INSL6: variants seen among roughly 807,000 people sequenced by gnomAD.
INSL6 encodes the protein insulin like 6, also known as insulin-like peptide INSL6.
Under a neutral mutation model 9.4 loss-of-function variants are expected in INSL6, and 16 were observed. The observed-to-expected ratio is 1.70, with a 90% confidence interval of 1.15 to 2.59. INSL6 has a LOEUF of 2.59. Ranked by LOEUF, INSL6 falls within the 30% of genes most tolerant of loss-of-function variation. The probability of loss-of-function intolerance (pLI) is 0.00; values close to 1 mark genes in which losing one functional copy is unlikely to be tolerated. For missense variants in INSL6, 391 were observed against 257.3 expected, an observed-to-expected ratio of 1.52 and a Z score of -3.56; for synonymous variants, 154 against 96.9, an observed-to-expected ratio of 1.59 and a Z score of -3.46.
At chr9:5,143,555 G>C (rs1225099088) in intron 2 of INSL6, among the ~76,000 whole-genome samples, 3 of 152,034 alleles carry the variant, frequency 2.0e-5, no homozygotes, top group South Asian at 2.1e-4. Context: ...ATTTCTGATA[G>C]TGCATATTTG....
At chr9:5,126,022 T>C (rs1048454911) in intron 3 of INSL6, 1 of 189,188 alleles carries the variant, frequency 5.3e-6, no homozygotes, top group Non-Finnish European at 1.1e-5. Flanking sequence ...TCAATTGAAA[T>C]GTAATATGAT....
the INSL6 span, chr9:5,040,933 T>C: frequency 2.5e-6 from 1 of 392,520 alleles, no homozygotes; most frequent in African/African-American, 2.2e-5. Flanking sequence ...AGCCTGGCCA[T>C]GGCGGAGCCA....
chr9:5,159,099 T>C (rs1186206372), downstream of INSL6, among the ~76,000 whole-genome samples: 2 of 152,086 alleles, frequency 1.3e-5, no homozygotes, highest in Non-Finnish European at 2.9e-5. Flanking sequence ...AAGATATTAT[T>C]TGCAAGCCTC....
chr9:5,077,539 C>G, the INSL6 span: 5 of 1,488,694 alleles, frequency 3.4e-6, no homozygotes, highest in South Asian at 1.5e-5. Flanking sequence ...ATTATGGAAA[C>G]TTGAAGTTGC....
At chr9:5,176,672 T>C (rs1284516757) in intron 1 of INSL6, among the ~76,000 whole-genome samples, 3 of 151,864 alleles carry the variant, frequency 2.0e-5, no homozygotes, top group South Asian at 4.2e-4. Flanking sequence ...AATGGAGATA[T>C]TTAAATGCGT....
chr9:5,182,630 A>G (rs554729712), intron 1 of INSL6, among the ~76,000 whole-genome samples: 3 of 152,252 alleles, frequency 2.0e-5, no homozygotes, highest in Admixed American at 1.3e-4. Context: ...AGTTGTGATG[A>G]TATCTGAAAC....
intron 2 of INSL6, among the ~76,000 whole-genome samples, chr9:5,153,556 A>ATGAT (rs1254401813): frequency 6.6e-6 from 1 of 152,238 alleles, no homozygotes; most frequent in Non-Finnish European, 1.5e-5. Context: ...TGCAGATGAC[A>ATGAT]TGATTGTATA....
chr9:5,094,731 G>C, the INSL6 span: 2 of 152,018 alleles, frequency 1.3e-5, no homozygotes, highest in African/African-American at 4.8e-5. Flanking sequence ...AAGTTCATTT[G>C]CCCTCTTCTT....
chr9:4,992,906 T>C, the INSL6 span, among the ~76,000 whole-genome samples: 1 of 152,200 alleles, frequency 6.6e-6, no homozygotes, highest in African/African-American at 2.4e-5. Context: ...TCATTCTTAA[T>C]AGGACATAGG....
the INSL6 span, among the ~76,000 whole-genome samples, chr9:5,027,355 T>G: frequency 6.6e-6 from 1 of 152,340 alleles, no homozygotes; most frequent in South Asian, 2.1e-4. Flanking sequence ...GCAATAATAT[T>G]ATGTCCAAAA....
chr9:5,063,290 A>G, the INSL6 span, among the ~76,000 whole-genome samples: 1 of 152,210 alleles, frequency 6.6e-6, no homozygotes, highest in East Asian at 1.9e-4. Context: ...AGAACTCTGT[A>G]AAGTAGTGGA....
At chr9:5,054,993 T>C in the INSL6 span, 2 of 771,342 alleles carry the variant, frequency 2.6e-6, no homozygotes, top group Admixed American at 3.1e-5. The surrounding 1 kb of genome is among the most constrained non-coding windows in gnomAD (Gnocchi z 4.9). Flanking sequence ...TCCCATTTGA[T>C]AGAAGTGGAA....
chr9:5,091,824 C>G, the INSL6 span, among the ~76,000 whole-genome samples: 1 of 151,984 alleles, frequency 6.6e-6, no homozygotes, highest in East Asian at 1.9e-4. Context: ...AGTTAAATGT[C>G]TATAATGGGT....
chr9:5,022,878 G>T, the INSL6 span, among the ~76,000 whole-genome samples: 1 of 152,118 alleles, frequency 6.6e-6, no homozygotes, highest in African/African-American at 2.4e-5. Context: ...AAGAATAGTC[G>T]TATGATTTTA....
the INSL6 span, chr9:5,114,508 T>C: frequency 1.1e-5 from 5 of 468,708 alleles, no homozygotes; most frequent in Non-Finnish European, 4.2e-6. Context: ...GTCTACGTGT[T>C]TGCAACGCTA....
At chr9:5,070,712 T>C in the INSL6 span, among the ~76,000 whole-genome samples, 3 of 152,040 alleles carry the variant, frequency 2.0e-5, no homozygotes, top group Non-Finnish European at 4.4e-5. Flanking sequence ...GCCCACTGGA[T>C]TTATTGAAAA....
chr9:5,116,595 T>C, the INSL6 span, among the ~76,000 whole-genome samples: 1 of 152,198 alleles, frequency 6.6e-6, no homozygotes, highest in Non-Finnish European at 1.5e-5. Context: ...ATATTAGTTA[T>C]ATGAAGATTC....
At chr9:5,090,196 C>T in the INSL6 span, among the ~76,000 whole-genome samples, 1 of 152,110 alleles carries the variant, frequency 6.6e-6, no homozygotes, top group African/African-American at 2.4e-5. Flanking sequence ...GTTTTCTCAT[C>T]AGTTTATTTT....
the INSL6 span, among the ~76,000 whole-genome samples, chr9:5,025,496 T>A: frequency 6.6e-6 from 1 of 152,086 alleles, no homozygotes; most frequent in African/African-American, 2.4e-5. Flanking sequence ...TGCTCCTTCT[T>A]TCTTTTCTTC....
Sources: gnomAD v4.1 joint callset for allele counts (sites outside exome capture counted in the v4.1 genomes callset) on GRCh38, gnomAD v4.1.1 for gene constraint, Gnocchi (gnomAD v3.1) non-coding constraint, MANE v1.5 for transcripts, NCBI Gene and HGNC (gene_info 2026-07-23, HGNC 2026-07-21) for gene names.